The following CCSER1 variants were observed in gnomAD, a reference collection of about 807,000 sequenced individuals.
CCSER1 encodes the protein serine-rich coiled-coil domain-containing protein 1.
In CCSER1, 41 loss-of-function variants were observed where a neutral mutation model predicts 82.0. That is an observed-to-expected ratio of 0.50 (90% CI 0.39 to 0.65). The LOEUF is 0.65. CCSER1 is among the 30% of genes least tolerant of loss of function. The pLI is 0.00. For missense variants in CCSER1, 1,119 were observed against 1,064.2 expected (o/e 1.05, Z -0.72); for synonymous variants, 414 against 383.9 (o/e 1.08, Z -0.92).
chr4:90,374,224 A>G (rs1303234427), intron 3 of CCSER1, among the ~76,000 whole-genome samples: 2 of 152,240 alleles, frequency 1.3e-5, no homozygotes, highest in Admixed American at 1.3e-4. Context: ...AAGAAAGTGT[A>G]TAAGAATTGG....
intron 10 of CCSER1, among the ~76,000 whole-genome samples, chr4:91,498,292 C>A (rs1193155805): frequency 6.6e-6 from 1 of 151,932 alleles, no homozygotes; most frequent in Non-Finnish European, 1.5e-5. Context: ...TTTGCCAGTA[C>A]AGAGAAAAGG....
chr4:91,384,071 AT>A (rs200662157), intron 10 of CCSER1, among the ~76,000 whole-genome samples: 2,813 of 151,976 alleles, frequency 0.019, 67 homozygotes, highest in African/African-American at 0.063. Context: ...GCTAAAGTGA[AT>A]TTTTTTTGTG....
chr4:90,276,748 T>C (rs991187790), intron 1 of CCSER1, among the ~76,000 whole-genome samples: 14 of 152,094 alleles, frequency 9.2e-5, no homozygotes, highest in Non-Finnish European at 2.1e-4. Context: ...TATTGAAAAA[T>C]AGACGTCTTG....
chr4:91,406,278 T>C (rs1057119483), intron 10 of CCSER1, among the ~76,000 whole-genome samples: 1 of 152,184 alleles, frequency 6.6e-6, no homozygotes, highest in Non-Finnish European at 1.5e-5. Flanking sequence ...AACCCCTTCT[T>C]CTTTCCTATG....
At chr4:90,930,642 A>T (rs181641358) in intron 9 of CCSER1, among the ~76,000 whole-genome samples, 5 of 151,772 alleles carry the variant, frequency 3.3e-5, no homozygotes, top group Admixed American at 1.3e-4. Context: ...AGAAAAAAAA[A>T]GTCCTTACAG....
chr4:90,412,846 C>T (rs1450796641), intron 4 of CCSER1, among the ~76,000 whole-genome samples: 6 of 152,082 alleles, frequency 3.9e-5, no homozygotes, highest in African/African-American at 1.4e-4. Context: ...AGAACTGGAA[C>T]AAGACAAAGA....
At chr4:91,595,950 A>AT (rs1764552042) in intron 10 of CCSER1, among the ~76,000 whole-genome samples, 1 of 150,080 alleles carries the variant, frequency 6.7e-6, no homozygotes. Flanking sequence ...ACTTAAAAAA[A>AT]AAAAAAAAAA....
At chr4:91,592,345 A>G (rs956971723) in intron 10 of CCSER1, among the ~76,000 whole-genome samples, 2 of 152,156 alleles carry the variant, frequency 1.3e-5, no homozygotes, top group African/African-American at 4.8e-5. Flanking sequence ...CTCTCCCATG[A>G]CATGTGGGGA....
At chr4:91,171,248 A>G (rs1732719728) in intron 10 of CCSER1, among the ~76,000 whole-genome samples, 1 of 152,200 alleles carries the variant, frequency 6.6e-6, no homozygotes, top group Non-Finnish European at 1.5e-5. Context: ...ACAGGAAAAT[A>G]GGGCTGCATG....
chr4:90,668,956 A>G (rs1732294638), intron 6 of CCSER1, among the ~76,000 whole-genome samples: 1 of 152,134 alleles, frequency 6.6e-6, no homozygotes, highest in Non-Finnish European at 1.5e-5. Flanking sequence ...TAATTATTGC[A>G]CAAGGTATAA....
At chr4:90,221,481 G>T (rs1346132941) in intron 1 of CCSER1, among the ~76,000 whole-genome samples, 1 of 152,104 alleles carries the variant, frequency 6.6e-6, no homozygotes, top group Non-Finnish European at 1.5e-5. Context: ...CAGTGCATTA[G>T]ACAGCATATT....
chr4:91,159,461 T>G (rs918079343), intron 10 of CCSER1, among the ~76,000 whole-genome samples: 6 of 151,982 alleles, frequency 3.9e-5, no homozygotes, highest in Non-Finnish European at 7.4e-5. Flanking sequence ...CAAGATGGCA[T>G]TATGTCTGTT....
intron 1 of CCSER1, among the ~76,000 whole-genome samples, chr4:90,151,982 CTAT>C (rs879370151): frequency 2.0e-5 from 3 of 152,094 alleles, no homozygotes; most frequent in Non-Finnish European, 4.4e-5. Context: ...ATCTCCAGCT[CTAT>C]TAAGTAAAGG....
intron 9 of CCSER1, among the ~76,000 whole-genome samples, chr4:90,931,227 ATTTGATGTATTAT>A (rs1284917152): frequency 6.6e-6 from 1 of 151,496 alleles, no homozygotes; most frequent in Non-Finnish European, 1.5e-5. Flanking sequence ...GTTTGCTTTT[ATTTGATGTATTAT>A]TCCTATTATA....
chr4:91,054,944 T>C (rs1227957318), intron 9 of CCSER1, among the ~76,000 whole-genome samples: 1 of 152,176 alleles, frequency 6.6e-6, no homozygotes, highest in Non-Finnish European at 1.5e-5. Flanking sequence ...TGCCAATCTC[T>C]GTCATTCTAT....
intron 5 of CCSER1, among the ~76,000 whole-genome samples, chr4:90,591,706 A>G (rs1410796055): frequency 6.6e-6 from 1 of 152,218 alleles, no homozygotes; most frequent in Non-Finnish European, 1.5e-5. Flanking sequence ...AGGGTTATAA[A>G]TCATTCTACT....
chr4:90,752,020 C>T (rs114790952), intron 7 of CCSER1, among the ~76,000 whole-genome samples: 1,545 of 152,140 alleles, frequency 0.01, 28 homozygotes, highest in African/African-American at 0.034. Flanking sequence ...CCACAAAGTG[C>T]CCTTGAACAT....
chr4:90,152,884 T>C (rs2153353018), intron 1 of CCSER1, among the ~76,000 whole-genome samples: 1 of 151,664 alleles, frequency 6.6e-6, no homozygotes, highest in East Asian at 1.9e-4. Context: ...TTTTTTTTAA[T>C]TTTATTTTTT....
At chr4:90,410,408 G>C (rs955827843) in intron 4 of CCSER1, among the ~76,000 whole-genome samples, 2 of 152,066 alleles carry the variant, frequency 1.3e-5, no homozygotes, top group African/African-American at 4.8e-5. Context: ...AAATGTAAAA[G>C]AACAGAAAGT....
Sources: allele counts gnomAD v4.1 joint callset (sites outside exome capture counted in the v4.1 genomes callset), GRCh38; gene constraint gnomAD v4.1.1; transcripts MANE v1.5; gene names NCBI Gene and HGNC (gene_info 2026-07-23, HGNC 2026-07-21).